ZNF33B: variants seen among roughly 807,000 people sequenced by gnomAD.
The protein encoded by ZNF33B is zinc finger protein 33B, also known as zinc finger protein 11b (KOX 2).
In ZNF33B, 29 loss-of-function variants were observed where a neutral mutation model predicts 45.8. The ratio of observed to expected loss-of-function variants is 0.63; its 90% CI spans 0.47 to 0.86. The LOEUF (loss-of-function observed/expected upper bound fraction) is 0.86, where lower values mean the gene tolerates loss of function less well. Ranked by LOEUF, ZNF33B falls within the 40% of genes least tolerant of loss-of-function variation. ZNF33B has a pLI of 0.00. For missense variants in ZNF33B, 831 were observed against 909.9 expected (o/e 0.91, Z 1.12); for synonymous variants, 305 against 307.8 (o/e 0.99, Z 0.10).
At chr10:42,583,311 G>A (rs560704262) in intron 1 of ZNF33B, 82 of 444,090 alleles carry the variant, frequency 1.8e-4, no homozygotes, top group East Asian at 1.6e-3. Flanking sequence ...CAGAGGAACC[G>A]ATTCCCTGGA....
intron 4 of ZNF33B, among the ~76,000 whole-genome samples, chr10:42,597,745 T>C (rs1837461486): frequency 6.6e-6 from 1 of 152,150 alleles, no homozygotes; most frequent in African/African-American, 2.4e-5. Flanking sequence ...GTTAAAAAAA[T>C]ACAAGTTTTG....
chr10:42,623,503 A>G (rs951190978), intron 4 of ZNF33B, among the ~76,000 whole-genome samples: 2 of 152,238 alleles, frequency 1.3e-5, no homozygotes, highest in African/African-American at 4.8e-5. Context: ...ACAGCCAGAA[A>G]AGAAAGTCTT....
intron 4 of ZNF33B, among the ~76,000 whole-genome samples, chr10:42,608,201 G>A (rs998988581): frequency 7.9e-5 from 12 of 152,066 alleles, no homozygotes; most frequent in Admixed American, 2.6e-4. Context: ...CAAAGTACGC[G>A]TAGCAAAAAC....
Position 42,594,329 on chromosome 10 carries a change from C to G in ZNF33B, c.621G>C (p.Leu207Phe). ...RNTLSHRENT[L>F]QHEKIQTLDH... Reference sequence around the variant, plus strand: ...CTAAAGTTTGAATCTTCTCATGCTGCAAAGTGTTCTCACGATGACTCAGAG... The same window carrying G: ...CTAAAGTTTGAATCTTCTCATGCTGGAAAGTGTTCTCACGATGACTCAGAG... Residue 207 changes from leucine (L) to phenylalanine (F), a missense_variant, in exon 5 of 5, where the codon TTG becomes TTC. Physicochemically the swap from Leu to Phe is conservative, Grantham distance 22. Transcript: ENST00000359467. 1 of 1,613,890 alleles carries G rather than the reference C, an allele frequency of 6.2e-7. No homozygotes were observed. Among genetic ancestry groups the G allele is most frequent in the Non-Finnish European group, 8.5e-7 (1 of 1,179,886 alleles).
In ZNF33B at chr10:42,592,453, A is replaced by T. The variant is rs918974163; in HGVS notation, c.*160T>A. The T allele has an allele frequency of 4.8e-5, 50 of 1,036,940 alleles. No homozygotes were observed. The highest frequency in any genetic ancestry group is 6.5e-5 in the Non-Finnish European group (46 of 712,906). The allele number at this position is 1,036,940 out of a possible 1,614,324, so 64.2% of individuals were successfully genotyped here. A position where few individuals can be genotyped will look rare whatever the true frequency, so the allele number is the denominator to read the frequency against. ...ACAAAAGCCATCCTATAGTTGTTGT[A>T]GTCTATGGGTTTATCCCCTACTGTT... On this transcript the variant is annotated 3_prime_UTR_variant, in exon 5 of 5. Transcript: ENST00000359467.
At chr10:42,606,616 T>C (rs1837865413) in intron 4 of ZNF33B, among the ~76,000 whole-genome samples, 1 of 152,128 alleles carries the variant, frequency 6.6e-6, no homozygotes, top group East Asian at 1.9e-4. Flanking sequence ...CTATCTTTCT[T>C]TCAGCTTCTT....
At chr10:42,610,020 G>T (rs1277587244) in intron 4 of ZNF33B, among the ~76,000 whole-genome samples, 1 of 152,042 alleles carries the variant, frequency 6.6e-6, no homozygotes, top group Admixed American at 6.6e-5. Context: ...ATGCCTTCTT[G>T]CCAGTTACAC....
intron 4 of ZNF33B, among the ~76,000 whole-genome samples, chr10:42,627,713 T>C (rs1838871677): frequency 6.6e-6 from 1 of 152,210 alleles, no homozygotes; most frequent in Non-Finnish European, 1.5e-5. Flanking sequence ...TATATTGATA[T>C]GGTATGGTCT....
intron 1 of ZNF33B, among the ~76,000 whole-genome samples, chr10:42,578,169 G>A (rs1836775967): frequency 6.6e-6 from 1 of 152,212 alleles, no homozygotes; most frequent in African/African-American, 2.4e-5. Context: ...CCTCAAGCCA[G>A]GCTGAGCACA....
Position 42,595,042 on chromosome 10 carries a change from T to C in ZNF33B, c.251-343A>G, listed in dbSNP as rs376346004. ...CAAGAACTATAAAGGTCAGCATAAG[T>C]GGAGCAAATAATATTATCTATAACA... On this transcript the variant is annotated intron_variant, in intron 4 of 4. Transcript: ENST00000359467. 2.5e-4 allele frequency among the ~76,000 whole-genome samples: 38 copies of C among 152,280 alleles called. 1 individual carries two copies. The highest frequency in any genetic ancestry group is 8.7e-4 in the African/African-American group (36 of 41,552).
intron 4 of ZNF33B, among the ~76,000 whole-genome samples, chr10:42,604,921 CAAAA>C (rs199627927): frequency 5.4e-5 from 5 of 92,328 alleles, no homozygotes; most frequent in African/African-American, 8.1e-5. Context: ...AATTTCATCT[CAAAA>C]AAAAAAAAAG....
intron 4 of ZNF33B, among the ~76,000 whole-genome samples, chr10:42,623,749 G>A (rs753638307): frequency 1.3e-5 from 2 of 152,194 alleles, no homozygotes; most frequent in Admixed American, 1.3e-4. Context: ...AGAAATTGTG[G>A]TTATGGCTAT....
chr10:42,611,793 T>C (rs939178721), intron 4 of ZNF33B, among the ~76,000 whole-genome samples: 7 of 152,214 alleles, frequency 4.6e-5, no homozygotes, highest in African/African-American at 1.2e-4. Context: ...AAGGAATTGA[T>C]TTTTCTCTAT....
Position 42,604,282 on chromosome 10 carries a change from T to G in ZNF33B, c.251-9583A>C, listed in dbSNP as rs1837749490. Among the ~76,000 whole-genome samples the G allele has an allele frequency of 1.3e-5, 2 of 151,900 alleles. 1 individual carries two copies. Among genetic ancestry groups the G allele is most frequent in the South Asian group, 4.2e-4 (2 of 4,816 alleles). ...CAACATGGTAAAACCCTGTCTCTAC[T>G]AAAAATACAAAAATTAGCTGGGTGT... is the stretch of plus-strand genomic sequence containing the variant. On this transcript the variant is annotated intron_variant, in intron 4 of 4. Coordinates refer to ENST00000359467, the MANE Select transcript of ZNF33B (RefSeq NM_006955.3).
At position 42,591,294 on chromosome 10, in the gene ZNF33B, T is replaced by A; in HGVS notation, c.*1319A>T. Reference sequence around the variant, plus strand: ...GCAGCTGCTTAAAGAAAATTTGGACTATCACTTACGCTGAAGGCTGGAGTG... The same window carrying A: ...GCAGCTGCTTAAAGAAAATTTGGACAATCACTTACGCTGAAGGCTGGAGTG... On this transcript the variant is annotated 3_prime_UTR_variant, in exon 5 of 5. Transcript: ENST00000359467. The A allele has an allele frequency of 1.1e-6, 1 of 881,328 alleles. No homozygotes were observed. Among genetic ancestry groups the A allele is most frequent in the Non-Finnish European group, 1.4e-6 (1 of 735,696 alleles). The allele number at this position is 881,328 out of a possible 1,614,324, so 54.6% of individuals were successfully genotyped here.
chr10:42,617,495 G>A (rs1838376981), intron 4 of ZNF33B, among the ~76,000 whole-genome samples: 1 of 152,148 alleles, frequency 6.6e-6, no homozygotes, highest in Non-Finnish European at 1.5e-5. Flanking sequence ...GTAACAATTT[G>A]CAGAACTACA....
chr10:42,588,981 T>C (rs937421525), downstream of ZNF33B: 15 of 163,628 alleles, frequency 9.2e-5, no homozygotes, highest in Non-Finnish European at 1.5e-4. Context: ...ACAGTTACCA[T>C]AATTTAAAAT....
intron 4 of ZNF33B, among the ~76,000 whole-genome samples, chr10:42,607,829 A>C (rs932151329): frequency 6.6e-6 from 1 of 152,228 alleles, no homozygotes; most frequent in Non-Finnish European, 1.5e-5. Context: ...TTAAAAAATC[A>C]TAAGTCAAAC....
At chr10:42,614,064 GGAA>G (rs1218842941) in intron 4 of ZNF33B, among the ~76,000 whole-genome samples, 2 of 152,194 alleles carry the variant, frequency 1.3e-5, no homozygotes, top group South Asian at 2.1e-4. Flanking sequence ...ATGGAAAATA[GGAA>G]GAAGATGTAA....
Sources: allele counts gnomAD v4.1 joint callset (sites outside exome capture counted in the v4.1 genomes callset), GRCh38; gene constraint gnomAD v4.1.1; transcripts MANE v1.5; gene names NCBI Gene and HGNC (gene_info 2026-07-23, HGNC 2026-07-21).